Variants in GRID2 observed in about 807,000 individuals in gnomAD.
The protein encoded by GRID2 is glutamate ionotropic receptor delta type subunit 2.
GRID2 carries 33 observed loss-of-function variants against 114.8 expected under a neutral mutation model. That is an observed-to-expected ratio of 0.29 (90% CI 0.22 to 0.38). GRID2 has a LOEUF of 0.38. Ranked by LOEUF, GRID2 falls within the 10% of genes least tolerant of loss-of-function variation. The pLI is 1.00. For synonymous variants in GRID2, 505 were observed against 449.9 expected (o/e 1.12, Z -1.55); for missense variants, 1,184 against 1,257.7 (o/e 0.94, Z 0.89).
chr4:93,419,015 C>T (rs1767996518), intron 9 of GRID2, among the ~76,000 whole-genome samples: 1 of 149,626 alleles, frequency 6.7e-6, no homozygotes, highest in Non-Finnish European at 1.5e-5. Flanking sequence ...GAGATTCTTC[C>T]TAAGTTTTCT....
chr4:93,172,146 A>G (rs1333275956), intron 4 of GRID2, among the ~76,000 whole-genome samples: 2 of 152,172 alleles, frequency 1.3e-5, no homozygotes, highest in Admixed American at 1.3e-4. Flanking sequence ...AGAATTGTTC[A>G]ATTAAAATGC....
chr4:93,113,554 A>C (rs1302734327), intron 4 of GRID2, among the ~76,000 whole-genome samples: 3 of 152,238 alleles, frequency 2.0e-5, no homozygotes, highest in African/African-American at 7.2e-5. Context: ...TTCATCGTAG[A>C]AACTATGCTA....
chr4:92,902,493 T>C (rs545126322), intron 2 of GRID2, among the ~76,000 whole-genome samples: 17 of 152,204 alleles, frequency 1.1e-4, no homozygotes, highest in Admixed American at 2.6e-4. Flanking sequence ...AGACACTTTT[T>C]AGTTTAAGTT....
At chr4:92,917,269 C>G (rs1748885437) in intron 2 of GRID2, among the ~76,000 whole-genome samples, 1 of 152,024 alleles carries the variant, frequency 6.6e-6, no homozygotes, top group Non-Finnish European at 1.5e-5. Context: ...AGCCCTTTGT[C>G]AGATGAGTAG....
chr4:92,608,219 C>G (rs7683918), intron 2 of GRID2, among the ~76,000 whole-genome samples: 2 of 151,678 alleles, frequency 1.3e-5, no homozygotes, highest in African/African-American at 4.8e-5. Flanking sequence ...TTCAAGGACA[C>G]CTCTTTCCCA....
intron 1 of GRID2, among the ~76,000 whole-genome samples, chr4:92,530,379 C>T (rs112602995): frequency 0.024 from 3,673 of 151,648 alleles, 161 homozygotes; most frequent in African/African-American, 0.084. Context: ...GTGCCTCATA[C>T]GAACTATTCT....
chr4:93,469,105 T>C (rs556233762), intron 11 of GRID2, among the ~76,000 whole-genome samples: 1 of 152,218 alleles, frequency 6.6e-6, no homozygotes, highest in Non-Finnish European at 1.5e-5. Flanking sequence ...TTCCCAGCTG[T>C]ATTTGTGGTG....
intron 2 of GRID2, among the ~76,000 whole-genome samples, chr4:92,872,360 A>G (rs1745338025): frequency 6.6e-6 from 1 of 152,168 alleles, no homozygotes; most frequent in African/African-American, 2.4e-5. Flanking sequence ...GAAAAAGGAA[A>G]CTAGCAATAT....
chr4:93,422,254 CAA>C (rs1249660405), intron 9 of GRID2, among the ~76,000 whole-genome samples: 2 of 152,098 alleles, frequency 1.3e-5, no homozygotes, highest in Admixed American at 6.6e-5. Flanking sequence ...GTGTTTATAT[CAA>C]AGTCACAAAA....
At chr4:93,423,341 T>C (rs922506037) in intron 10 of GRID2, among the ~76,000 whole-genome samples, 3 of 50,552 alleles carry the variant, frequency 5.9e-5, no homozygotes, top group East Asian at 9.3e-4. Context: ...TCTTTCTTTT[T>C]TTTTTTTTTT....
chr4:93,290,969 C>T (rs1223668528), intron 8 of GRID2, among the ~76,000 whole-genome samples: 3 of 150,302 alleles, frequency 2.0e-5, no homozygotes, highest in African/African-American at 7.4e-5. Context: ...GCTCCGCCTC[C>T]CGGGTTCACG....
intron 5 of GRID2, among the ~76,000 whole-genome samples, chr4:93,212,539 T>A (rs1743660857): frequency 6.6e-6 from 1 of 152,062 alleles, no homozygotes; most frequent in African/African-American, 2.4e-5. Context: ...TAACACTTTA[T>A]TTAAGTTTTA....
At chr4:92,837,312 GT>G (rs765365817) in intron 2 of GRID2, among the ~76,000 whole-genome samples, 2 of 151,834 alleles carry the variant, frequency 1.3e-5, no homozygotes, top group Non-Finnish European at 2.9e-5. Context: ...ACAAATACAA[GT>G]TTCAAGCTTT....
At chr4:93,340,246 T>C (rs1449207722) in intron 8 of GRID2, among the ~76,000 whole-genome samples, 9 of 151,588 alleles carry the variant, frequency 5.9e-5, no homozygotes, top group African/African-American at 1.5e-4. Context: ...CTCTCTTTTT[T>C]TTTTTTTTTT....
At chr4:93,495,930 A>C (rs1180275825) in intron 12 of GRID2, among the ~76,000 whole-genome samples, 1 of 151,798 alleles carries the variant, frequency 6.6e-6, no homozygotes, top group East Asian at 1.9e-4. Context: ...AAAAAGGAAG[A>C]CAGTGATTAA....
chr4:93,071,609 T>G (rs56011292), intron 2 of GRID2, among the ~76,000 whole-genome samples: 1 of 151,894 alleles, frequency 6.6e-6, no homozygotes, highest in Admixed American at 6.6e-5. Context: ...TGAAGGAATA[T>G]CTAGGTGAGG....
intron 1 of GRID2, among the ~76,000 whole-genome samples, chr4:92,491,454 A>G (rs1197667070): frequency 6.6e-6 from 1 of 152,182 alleles, no homozygotes; most frequent in East Asian, 1.9e-4. Flanking sequence ...AGGTTAGCTC[A>G]GTTCTTTATC....
At chr4:92,671,112 G>T (rs1733044554) in intron 2 of GRID2, among the ~76,000 whole-genome samples, 1 of 152,048 alleles carries the variant, frequency 6.6e-6, no homozygotes, top group Admixed American at 6.6e-5. Context: ...AGACTGTACA[G>T]GAAGCATGGC....
intron 8 of GRID2, among the ~76,000 whole-genome samples, chr4:93,276,162 T>C (rs1752039783): frequency 6.6e-6 from 1 of 151,984 alleles, no homozygotes; most frequent in Admixed American, 6.6e-5. Context: ...GTTTTTTCTT[T>C]TGCATGAGAC....
Sources: allele counts gnomAD v4.1 joint callset (sites outside exome capture counted in the v4.1 genomes callset), GRCh38; gene constraint gnomAD v4.1.1; transcripts MANE v1.5; gene names NCBI Gene and HGNC (gene_info 2026-07-23, HGNC 2026-07-21).